CPM: variants seen among roughly 807,000 people sequenced by gnomAD.
The protein encoded by CPM is renal carboxypeptidase.
Under a neutral mutation model 46.4 loss-of-function variants are expected in CPM, and 35 were observed. That is an observed-to-expected ratio of 0.75 (90% CI 0.58 to 1.00). The LOEUF (loss-of-function observed/expected upper bound fraction) is 1.00, where lower values mean the gene tolerates loss of function less well. Among genes scored for constraint, CPM ranks in the 50% least tolerant of loss-of-function variants. The pLI, the probability that CPM is intolerant of heterozygous loss-of-function variation, is 0.00. For missense variants in CPM, 422 were observed against 530.4 expected (o/e 0.80, Z 2.01); for synonymous variants, 195 against 195.3 (o/e 1.00, Z 0.01).
chr12:68,937,274 T>C (rs962560406), upstream of CPM, among the ~76,000 whole-genome samples: 2 of 152,246 alleles, frequency 1.3e-5, no homozygotes, highest in African/African-American at 4.8e-5. Flanking sequence ...AGATAAAACC[T>C]AAATGTCAAA....
At chr12:68,934,341 C>A (rs753419940), upstream of CPM, among the ~76,000 whole-genome samples, 3 of 152,132 alleles carry the variant, frequency 2.0e-5, no homozygotes, top group Non-Finnish European at 4.4e-5. Context: ...TAGAGAGGAC[C>A]TTGAATGAAT....
At chr12:68,894,319 T>G (rs1468047541) in intron 2 of CPM, among the ~76,000 whole-genome samples, 2 of 152,212 alleles carry the variant, frequency 1.3e-5, no homozygotes, top group Non-Finnish European at 2.9e-5. Context: ...CACTGTAGGT[T>G]TCAATTAGTA....
At chr12:68,896,417 G>A (rs1216628582) in intron 2 of CPM, among the ~76,000 whole-genome samples, 8 of 152,320 alleles carry the variant, frequency 5.3e-5, no homozygotes, top group Non-Finnish European at 7.3e-5. Flanking sequence ...GCAAAATCTG[G>A]TGTAGTGTCT....
At chr12:68,934,934 T>G (rs1888645152), upstream of CPM, among the ~76,000 whole-genome samples, 1 of 152,196 alleles carries the variant, frequency 6.6e-6, no homozygotes, top group African/African-American at 2.4e-5. Context: ...TTTTTTGAGA[T>G]GGAGTCTCAA....
intron 1 of CPM, among the ~76,000 whole-genome samples, chr12:68,959,458 T>A (rs1032450958): frequency 6.6e-6 from 1 of 152,230 alleles, no homozygotes; most frequent in Non-Finnish European, 1.5e-5. Flanking sequence ...TGTACTACGC[T>A]GTTAATTCTT....
downstream of CPM, chr12:68,848,718 T>G (rs558238954): frequency 2.0e-5 from 3 of 152,186 alleles, no homozygotes; most frequent in Non-Finnish European, 4.4e-5. Context: ...TTAAGCTTTT[T>G]GTTTTTTTGG....
At chr12:68,896,901 C>T (rs921181367) in intron 2 of CPM, among the ~76,000 whole-genome samples, 8 of 150,496 alleles carry the variant, frequency 5.3e-5, no homozygotes, top group South Asian at 2.1e-4. Context: ...GGGACAGTTA[C>T]GTTTTTAATT....
intron 3 of CPM, among the ~76,000 whole-genome samples, chr12:68,876,809 TA>T (rs934258872): frequency 2.0e-5 from 3 of 151,644 alleles, no homozygotes; most frequent in African/African-American, 4.9e-5. Context: ...GAATGTTTAT[TA>T]AAAAAAACAG....
intron 3 of CPM, among the ~76,000 whole-genome samples, chr12:68,884,342 G>A (rs1268159162): frequency 6.6e-6 from 1 of 152,092 alleles, no homozygotes; most frequent in Non-Finnish European, 1.5e-5. Flanking sequence ...CCAAAATCGG[G>A]TTCAAAAACT....
chr12:68,908,723 C>A (rs771425518), intron 2 of CPM, among the ~76,000 whole-genome samples: 6 of 151,780 alleles, frequency 4.0e-5, no homozygotes, highest in Non-Finnish European at 7.4e-5. Context: ...GAAAGAGGGC[C>A]TTTTTAAGTG....
chr12:68,926,604 C>T (rs564877311), intron 2 of CPM, among the ~76,000 whole-genome samples: 404 of 151,950 alleles, frequency 2.7e-3, no homozygotes, highest in Middle Eastern at 0.014. Flanking sequence ...GGTACATGTG[C>T]ACAATGTGCA....
At chr12:68,936,405 A>G (rs924506337), upstream of CPM, among the ~76,000 whole-genome samples, 8 of 151,962 alleles carry the variant, frequency 5.3e-5, no homozygotes, top group African/African-American at 1.9e-4. Flanking sequence ...TTTTTTTGAG[A>G]TAGAGTCTTG....
intron 3 of CPM, among the ~76,000 whole-genome samples, chr12:68,883,433 C>A (rs1390543426): frequency 6.6e-6 from 1 of 152,014 alleles, no homozygotes; most frequent in Non-Finnish European, 1.5e-5. Flanking sequence ...TCTTACTAGC[C>A]CCATAGAGCC....
At chr12:68,938,826 A>G (rs1005830945) in intron 1 of CPM, among the ~76,000 whole-genome samples, 2 of 150,744 alleles carry the variant, frequency 1.3e-5, no homozygotes, top group Admixed American at 6.6e-5. Flanking sequence ...ACACACACGT[A>G]TATCTATATG....
At chr12:68,936,694 TC>T (rs1888679585), upstream of CPM, among the ~76,000 whole-genome samples, 1 of 152,178 alleles carries the variant, frequency 6.6e-6, no homozygotes, top group South Asian at 2.1e-4. Flanking sequence ...CTAGAGGTGA[TC>T]TTTCTAAGTA....
intron 3 of CPM, 108 bp downstream of exon 3, chr12:68,885,683 GC>G: frequency 1.2e-6 from 1 of 858,002 alleles, no homozygotes; most frequent in Non-Finnish European, 1.9e-6. Flanking sequence ...TTTGTACAAT[GC>G]ATGCTGGAGA....
intron 2 of CPM, among the ~76,000 whole-genome samples, chr12:68,925,648 A>G (rs534729319): frequency 1.3e-5 from 2 of 152,352 alleles, no homozygotes; most frequent in East Asian, 3.9e-4. Flanking sequence ...AAAAGGCTCA[A>G]AACTGTGTAG....
chr12:68,941,217 C>T (rs1051930330), intron 1 of CPM, among the ~76,000 whole-genome samples: 121 of 134,392 alleles, frequency 9.0e-4, no homozygotes, highest in African/African-American at 3.3e-3. Context: ...ATAAAGCTAA[C>T]ACATCAGCTG....
At chr12:68,864,970 G>A (rs1236558014) in intron 7 of CPM, among the ~76,000 whole-genome samples, 1 of 152,170 alleles carries the variant, frequency 6.6e-6, no homozygotes, top group Non-Finnish European at 1.5e-5. Context: ...GGCAATGACT[G>A]TGCCACTGTA....
Sources: allele counts gnomAD v4.1 joint callset (sites outside exome capture counted in the v4.1 genomes callset), GRCh38; gene constraint gnomAD v4.1.1; transcripts MANE v1.5; gene names NCBI Gene and HGNC (gene_info 2026-07-23, HGNC 2026-07-21).